ATP6V0A1: variants seen among roughly 807,000 people sequenced by gnomAD.
The protein encoded by ATP6V0A1 is V-type proton ATPase 116 kDa subunit a 1.
In ATP6V0A1, 43 loss-of-function variants were observed where a neutral mutation model predicts 105.4. The ratio of observed to expected loss-of-function variants is 0.41; its 90% CI spans 0.32 to 0.53. The LOEUF (loss-of-function observed/expected upper bound fraction) is 0.53, where lower values mean the gene tolerates loss of function less well. Ranked by LOEUF, ATP6V0A1 falls within the 20% of genes least tolerant of loss-of-function variation. ATP6V0A1 has a pLI of 0.30. For synonymous variants in ATP6V0A1, 362 were observed against 372.8 expected (o/e 0.97, Z 0.33); for missense variants, 676 against 1,051.1 (o/e 0.64, Z 4.93).
intron 7 of ATP6V0A1, 25 bp downstream of exon 7, chr17:42,478,614 T>G: frequency 6.5e-7 from 1 of 1,546,292 alleles, no homozygotes; most frequent in East Asian, 2.4e-5. Context: ...TTGCATCCTG[T>G]GGAGTAGGTC....
At position 42,470,188 on chromosome 17, in the gene ATP6V0A1, A is replaced by G; in HGVS notation, c.393A>G (p.Ile131Met). Residue 131 changes from isoleucine (I) to methionine (M), a missense_variant, in exon 5 of 22, where the codon ATA (isoleucine) becomes ATG (methionine). Ile to Met is a conservative substitution (Grantham distance 10, BLOSUM62 1). Coordinates refer to ENST00000343619, the MANE Select transcript of ATP6V0A1 (RefSeq NM_001130021.3). ...NFLELTELKF[I>M]LRKTQQFFDE... Reference sequence around the variant, plus strand: ...TGGAACTGACCGAATTAAAATTTATACTTCGCAAAACTCAGCAATTTTTTG... The same window carrying G: ...TGGAACTGACCGAATTAAAATTTATGCTTCGCAAAACTCAGCAATTTTTTG... 1 of 1,613,148 alleles carries G rather than the reference A, an allele frequency of 6.2e-7. No homozygotes were observed. The highest frequency in any genetic ancestry group is 2.2e-5 in the East Asian group (1 of 44,828).
chr17:42,497,534 C>T (rs978725343), intron 14 of ATP6V0A1, among the ~76,000 whole-genome samples: 24 of 150,950 alleles, frequency 1.6e-4, no homozygotes, highest in African/African-American at 3.2e-4. Context: ...ATTAGCCAGG[C>T]GTGGTGGCGA....
At chr17:42,505,786 T>C (rs1433774692) in intron 17 of ATP6V0A1, among the ~76,000 whole-genome samples, 2 of 134,284 alleles carry the variant, frequency 1.5e-5, no homozygotes, top group African/African-American at 4.9e-5. Flanking sequence ...TTTTCATATG[T>C]CTTTTTTTTT....
intron 16 of ATP6V0A1, 81 bp from the exon 17 acceptor site, chr17:42,501,116 A>C (rs1462194325): frequency 8.0e-7 from 1 of 1,245,036 alleles, no homozygotes; most frequent in Non-Finnish European, 1.2e-6. Context: ...TGTTGGGGGA[A>C]ATTTGTGCCA....
Position 42,494,434 on chromosome 17 carries a change from G to C in ATP6V0A1, c.1275G>C (p.Leu425=), listed in dbSNP as rs2090964210. 1 of 1,613,874 alleles carries C rather than the reference G, an allele frequency of 6.2e-7. No homozygotes were observed. The highest frequency in any genetic ancestry group is 1.3e-5 in the African/African-American group (1 of 74,890). The change falls in exon 12 of 22, where the codon CTG becomes CTC. Residue 425 remains leucine (L), a synonymous_variant. Coordinates refer to ENST00000343619, the MANE Select transcript of ATP6V0A1 (RefSeq NM_001130021.3). ...LMTLFAVWMV[L]RESRILSQKN... Reference sequence around the variant, plus strand: ...CCCTTTTTGCTGTGTGGATGGTACTGAGGGAGAGCCGGATCCTTTCCCAGA... The same window carrying C: ...CCCTTTTTGCTGTGTGGATGGTACTCAGGGAGAGCCGGATCCTTTCCCAGA...
rs200728548 is a variant in ATP6V0A1 at position 42,513,813 on chromosome 17, G to A, written c.2131-48G>A. 6.7e-5 allele frequency: 105 copies of A among 1,557,880 alleles called. 1 individual carries two copies. In the African/African-American group the frequency reaches 1.1e-3, roughly 16 times the overall value. On this transcript the variant is annotated intron_variant, in intron 19 of 21. Transcript: ENST00000343619. ...TAGCCACAACTCAGAATGCCTGCAC[G>A]TTCCCCTCCTAGCCTTATATCTTCT...
At chr17:42,503,294 G>A (rs1055071438) in intron 17 of ATP6V0A1, among the ~76,000 whole-genome samples, 1 of 152,236 alleles carries the variant, frequency 6.6e-6, no homozygotes, top group African/African-American at 2.4e-5. Context: ...CTACTTTAGA[G>A]TGATGCTTGG....
At chr17:42,471,056 G>A (rs2145730671) in intron 5 of ATP6V0A1, 1 of 152,096 alleles carries the variant, frequency 6.6e-6, no homozygotes, top group East Asian at 1.9e-4. Context: ...CTGGGAGGTG[G>A]ACGTTGCATT....
intron 11 of ATP6V0A1, among the ~76,000 whole-genome samples, chr17:42,493,809 A>C (rs575222928): frequency 6.6e-6 from 1 of 152,100 alleles, no homozygotes; most frequent in Non-Finnish European, 1.5e-5. Flanking sequence ...GAAAGACCCC[A>C]TCTCTCTTTT....
chr17:42,513,138 C>T (rs933943901), intron 19 of ATP6V0A1, among the ~76,000 whole-genome samples: 3 of 152,102 alleles, frequency 2.0e-5, no homozygotes, highest in Admixed American at 1.3e-4. Context: ...TTGAGGAAAA[C>T]GAAAACAAAC....
At chr17:42,503,291 A>G (rs993746920) in intron 17 of ATP6V0A1, among the ~76,000 whole-genome samples, 2 of 152,220 alleles carry the variant, frequency 1.3e-5, no homozygotes, top group Admixed American at 1.3e-4. Context: ...GTTCTACTTT[A>G]GAGTGATGCT....
intron 5 of ATP6V0A1, among the ~76,000 whole-genome samples, chr17:42,477,290 G>C (rs1228030320): frequency 6.6e-6 from 1 of 152,174 alleles, no homozygotes; most frequent in Non-Finnish European, 1.5e-5. Flanking sequence ...TACATGCAGA[G>C]GTATTTCCTG....
Position 42,517,672 on chromosome 17 carries a change from C to G in ATP6V0A1, c.2420+3212C>G, listed in dbSNP as rs139863494. 1.2e-3 allele frequency among the ~76,000 whole-genome samples: 178 copies of G among 152,286 alleles called. 3 individuals are homozygous for G. The highest frequency in any genetic ancestry group is 4.1e-3 in the African/African-American group (172 of 41,548). On this transcript the variant is annotated intron_variant, in intron 21 of 21. Coordinates refer to ENST00000343619, the MANE Select transcript of ATP6V0A1 (RefSeq NM_001130021.3). ...AAATGCGGCTGTGCGTCCAGGATGC[C>G]TGGATCTTCCCTGTGGCCCAGGACT...
chr17:42,459,042 A>G lies in ATP6V0A1; in HGVS notation c.-48+79A>G, dbSNP rs905485451. On this transcript the variant is annotated intron_variant, in intron 1 of 21. Coordinates refer to ENST00000343619, the MANE Select transcript of ATP6V0A1 (RefSeq NM_001130021.3). Reference sequence around the variant, plus strand: ...GGAAATCCTTCTAAGAGCCCCCTTGATTGTCAGAGGAATTAGCGGGGATCT... The same window carrying G: ...GGAAATCCTTCTAAGAGCCCCCTTGGTTGTCAGAGGAATTAGCGGGGATCT... The G allele has an allele frequency of 2.6e-5, 4 of 152,422 alleles. No individual in the cohort carries two copies. In the East Asian group the frequency reaches 7.6e-4, roughly 29 times the overall value. The allele number at this position is 152,422 out of a possible 1,614,324, so 9.4% of individuals were successfully genotyped here. A position where few individuals can be genotyped will look rare whatever the true frequency, so the allele number is the denominator to read the frequency against.
intron 13 of ATP6V0A1, 45 bp downstream of exon 13, chr17:42,495,233 G>T (rs764264900): frequency 1.1e-5 from 18 of 1,590,112 alleles, no homozygotes; most frequent in Admixed American, 8.5e-5. Flanking sequence ...TTCCTTTCAT[G>T]TGCAGCCCTG....
chr17:42,465,203 A>G (rs1265453775), intron 2 of ATP6V0A1, among the ~76,000 whole-genome samples: 1 of 151,604 alleles, frequency 6.6e-6, no homozygotes, highest in African/African-American at 2.4e-5. Flanking sequence ...CATGTTGTCC[A>G]GGCTGGTCTC....
At chr17:42,520,644 G>C (rs1422127000) in intron 21 of ATP6V0A1, 1 of 459,058 alleles carries the variant, frequency 2.2e-6, no homozygotes, top group Non-Finnish European at 4.4e-6. Flanking sequence ...AGTGTCTCTG[G>C]AGGGGCTTCC....
intron 17 of ATP6V0A1, among the ~76,000 whole-genome samples, chr17:42,506,977 T>G (rs767489224): frequency 1.3e-5 from 2 of 152,218 alleles, no homozygotes; most frequent in Non-Finnish European, 2.9e-5. Flanking sequence ...TTTTTCCTTC[T>G]CTGACCTTGG....
chr17:42,519,250 C>T (rs2092743860), intron 21 of ATP6V0A1: 1 of 152,150 alleles, frequency 6.6e-6, no homozygotes, highest in Admixed American at 6.6e-5. Context: ...GCGGTGCCCC[C>T]ACAGGCATCT....
Sources: allele counts gnomAD v4.1 joint callset (sites outside exome capture counted in the v4.1 genomes callset), GRCh38; gene constraint gnomAD v4.1.1; transcripts MANE v1.5; gene names NCBI Gene and HGNC (gene_info 2026-07-23, HGNC 2026-07-21).